The following NHEJ1 variants were observed in gnomAD, a reference collection of about 807,000 sequenced individuals.
The protein encoded by NHEJ1 is non-homologous end joining factor 1.
Under a neutral mutation model 39.4 loss-of-function variants are expected in NHEJ1, and 22 were observed. That is an observed-to-expected ratio of 0.56 (90% CI 0.40 to 0.80). NHEJ1 has a LOEUF of 0.80. Among genes scored for constraint, NHEJ1 ranks in the 30% least tolerant of loss-of-function variants. The pLI, the probability that NHEJ1 is intolerant of heterozygous loss-of-function variation, is 0.00. For missense variants in NHEJ1, 329 were observed against 357.1 expected, an observed-to-expected ratio of 0.92 and a Z score of 0.63; for synonymous variants, 154 against 135.6, an observed-to-expected ratio of 1.14 and a Z score of -0.94.
chr2:219,081,086 A>C (rs980026019), intron 5 of NHEJ1, among the ~76,000 whole-genome samples: 18 of 152,344 alleles, frequency 1.2e-4, no homozygotes, highest in Admixed American at 4.6e-4. Context: ...AAGCTCCCCA[A>C]GGTGACAAGA....
chr2:219,155,783 G>A (rs1326051288), intron 3 of NHEJ1, among the ~76,000 whole-genome samples: 2 of 150,934 alleles, frequency 1.3e-5, no homozygotes, highest in African/African-American at 2.4e-5. Flanking sequence ...AAATTAGCCG[G>A]GCGTGGTGGT....
intron 5 of NHEJ1, among the ~76,000 whole-genome samples, chr2:219,132,262 T>A (rs984016725): frequency 6.6e-6 from 1 of 152,246 alleles, no homozygotes; most frequent in African/African-American, 2.4e-5. Context: ...CCATTTTATA[T>A]TGATTCTTCT....
chr2:219,126,904 G>T (rs1949530313), intron 5 of NHEJ1, among the ~76,000 whole-genome samples: 1 of 152,238 alleles, frequency 6.6e-6, no homozygotes, highest in East Asian at 1.9e-4. Context: ...AGAATGACGG[G>T]CTCTAGCAAC....
chr2:219,131,637 T>C (rs1949579922), intron 5 of NHEJ1, among the ~76,000 whole-genome samples: 1 of 152,208 alleles, frequency 6.6e-6, no homozygotes, highest in Admixed American at 6.5e-5. Context: ...TGGTTTTTCT[T>C]TTTTTGGATT....
intron 5 of NHEJ1, among the ~76,000 whole-genome samples, chr2:219,108,311 A>C (rs1949332199): frequency 6.6e-6 from 1 of 152,174 alleles, no homozygotes; most frequent in Non-Finnish European, 1.5e-5. Flanking sequence ...GAATTCTCTA[A>C]GTTCATCCAG....
chr2:219,152,648 T>G (rs1030024116), intron 3 of NHEJ1, among the ~76,000 whole-genome samples: 3 of 151,940 alleles, frequency 2.0e-5, no homozygotes, highest in Admixed American at 1.3e-4. Context: ...TTTATTTTTT[T>G]GTAGCTATGG....
At chr2:219,085,491 C>T (rs1304836454) in intron 5 of NHEJ1, among the ~76,000 whole-genome samples, 2 of 152,210 alleles carry the variant, frequency 1.3e-5, no homozygotes, top group Non-Finnish European at 2.9e-5. Context: ...AGAGCTAACA[C>T]TGCCCTGTGT....
At chr2:219,099,975 T>A (rs1174512910) in intron 5 of NHEJ1, among the ~76,000 whole-genome samples, 1 of 152,060 alleles carries the variant, frequency 6.6e-6, no homozygotes, top group South Asian at 2.1e-4. Context: ...CTGAAACTGG[T>A]AGGTGGCATC....
At chr2:219,109,096 A>G (rs1010459015) in intron 5 of NHEJ1, among the ~76,000 whole-genome samples, 4 of 152,190 alleles carry the variant, frequency 2.6e-5, no homozygotes, top group Admixed American at 6.6e-5. Context: ...CCCAGCACCT[A>G]AACTATGGTT....
chr2:219,100,390 GC>G (rs1379958463), intron 5 of NHEJ1, among the ~76,000 whole-genome samples: 1 of 150,864 alleles, frequency 6.6e-6, no homozygotes, highest in African/African-American at 2.4e-5. Context: ...ATTGTTTGAG[GC>G]CAGGAGTTCG....
rs1002509762 is a variant in NHEJ1, at chr2:219,072,186, C to G, written c.*4195G>C. 6.6e-6 allele frequency among the ~76,000 whole-genome samples: 1 copy of G among 152,190 alleles called. No individual in the cohort carries two copies. The highest frequency in any genetic ancestry group is 1.5e-5 in the Non-Finnish European group (1 of 68,034). ...GATCTTCTGAGGCCTTGGCCAAGAA[C>G]ACAAGGAAAAAACATAGAGCAATGA... is the stretch of plus-strand genomic sequence containing the variant. On this transcript the variant is annotated 3_prime_UTR_variant, in exon 8 of 8. Transcript: ENST00000356853.
intron 5 of NHEJ1, among the ~76,000 whole-genome samples, chr2:219,100,587 G>A (rs1353428977): frequency 6.6e-6 from 1 of 151,048 alleles, no homozygotes; most frequent in African/African-American, 2.4e-5. Flanking sequence ...CTCCAGCCTG[G>A]GCGACAGAAT....
At chr2:219,076,578 TTTC>T in intron 7 of NHEJ1, 123 bp from the exon 8 acceptor site, 1 of 876,368 alleles carries the variant, frequency 1.1e-6, no homozygotes, top group Non-Finnish European at 1.7e-6. Context: ...TTTTTTTTTT[TTTC>T]CACCCAGGCT....
At position 219,074,152 on chromosome 2, in the gene NHEJ1, T is replaced by G. The variant is rs1478759289; in HGVS notation, c.*2229A>C. The stretch of plus-strand genomic sequence containing the variant: ...TGGAGACAGCAACCTTTGGGGATGA[T>G]GGGGGCAGTGGATGGAAGGTTACTA... On this transcript the variant is annotated 3_prime_UTR_variant, in exon 8 of 8. Transcript: ENST00000356853. 2.0e-5 allele frequency among the ~76,000 whole-genome samples: 3 copies of G among 152,344 alleles called. No homozygotes were observed. Among genetic ancestry groups the G allele is most frequent in the African/African-American group, 7.2e-5 (3 of 41,572 alleles).
intron 5 of NHEJ1, among the ~76,000 whole-genome samples, chr2:219,142,008 T>G (rs1376356900): frequency 1.3e-5 from 2 of 152,184 alleles, no homozygotes; most frequent in Admixed American, 1.3e-4. Flanking sequence ...GTTTAAAGTA[T>G]CTGCTCTAGA....
At chr2:219,088,947 G>GGACTAC (rs1949136257) in intron 5 of NHEJ1, among the ~76,000 whole-genome samples, 2 of 151,904 alleles carry the variant, frequency 1.3e-5, no homozygotes. Flanking sequence ...CGAGTAGCTG[G>GGACTAC]GACTACAGGC....
intron 5 of NHEJ1, among the ~76,000 whole-genome samples, chr2:219,130,447 A>C (rs1949567562): frequency 6.6e-6 from 1 of 152,036 alleles, no homozygotes; most frequent in Admixed American, 6.6e-5. Flanking sequence ...GAGGAACAAA[A>C]CTCTGGGAAG....
At position 219,146,198 on chromosome 2, in the gene NHEJ1, T is replaced by C. The variant is rs565687647; in HGVS notation, c.588+482A>G. Among the ~76,000 whole-genome samples the C allele has an allele frequency of 3.6e-3, 555 of 152,282 alleles. 2 individuals are homozygous for C. Among genetic ancestry groups the C allele is most frequent in the Non-Finnish European group, 5.7e-3 (388 of 68,010 alleles). On this transcript the variant is annotated intron_variant, in intron 5 of 7. Coordinates refer to ENST00000356853, the MANE Select transcript of NHEJ1 (RefSeq NM_024782.3). ...CCATTCATTCCTTTGCCAGTCCCCT[T>C]GTATAAACACTGTGATTTTCCACAA...
rs1949927972 is a variant in NHEJ1 at position 219,160,736 on chromosome 2, A to C, written c.-17T>G. ...TCCACCTACCGTCAGCGGCCGCGAG[A>C]GCGCCCACTCTCTTAGCCGCACGCA... is the stretch of plus-strand genomic sequence containing the variant. On this transcript the variant is annotated 5_prime_UTR_variant, in exon 1 of 8. Coordinates refer to ENST00000356853, the MANE Select transcript of NHEJ1 (RefSeq NM_024782.3). 1 of 152,456 alleles carries C rather than the reference A, an allele frequency of 6.6e-6. No individual in the cohort carries two copies. Among genetic ancestry groups the C allele is most frequent in the East Asian group, 1.9e-4 (1 of 5,182 alleles). The allele number at this position is 152,456 out of a possible 1,614,324, so 9.4% of individuals were successfully genotyped here. A position where few individuals can be genotyped will look rare whatever the true frequency, so the allele number is the denominator to read the frequency against.
Sources: gnomAD v4.1 joint callset for allele counts (sites outside exome capture counted in the v4.1 genomes callset) on GRCh38, gnomAD v4.1.1 for gene constraint, MANE v1.5 for transcripts, NCBI Gene and HGNC (gene_info 2026-07-23, HGNC 2026-07-21) for gene names.